Variants in SVIL observed in about 807,000 individuals in gnomAD.
SVIL encodes the protein supervillin.
In SVIL, 101 loss-of-function variants were observed where a neutral mutation model predicts 240.4. That is an observed-to-expected ratio of 0.42 (90% CI 0.36 to 0.50). SVIL has a LOEUF of 0.50. Ranked by LOEUF, SVIL falls within the 20% of genes least tolerant of loss-of-function variation. SVIL has a pLI of 0.01. For missense variants in SVIL, 2,512 were observed against 2,818.7 expected, an observed-to-expected ratio of 0.89 and a Z score of 2.46; for synonymous variants, 999 against 1,100.0, an observed-to-expected ratio of 0.91 and a Z score of 1.82.
chr10:29,651,479 C>T lies in SVIL; in HGVS notation c.-201+6490G>A, dbSNP rs914724181. 3.3e-5 allele frequency among the ~76,000 whole-genome samples: 5 copies of T among 152,248 alleles called. No individual in the cohort carries two copies. In the East Asian group the frequency reaches 5.8e-4, roughly 18 times the overall value. On this transcript the variant is annotated intron_variant, in intron 3 of 35. Transcript: ENST00000375400. ...CTTCTGTCCTCCTATGACTACCTCTCGGTAGGACTTACTTTGTGCCTGAGT... is the reference window on the plus strand; with the variant it reads ...CTTCTGTCCTCCTATGACTACCTCTTGGTAGGACTTACTTTGTGCCTGAGT...
chr10:29,642,459 GA>G (rs1330145167), intron 3 of SVIL, among the ~76,000 whole-genome samples: 1 of 69,018 alleles, frequency 1.4e-5, no homozygotes, highest in African/African-American at 6.2e-5. Context: ...AAGAAAGAAA[GA>G]AAGAAAGACC....
At chr10:29,586,945 A>G (rs577205132) in intron 1 of SVIL, among the ~76,000 whole-genome samples, 3 of 152,282 alleles carry the variant, frequency 2.0e-5, no homozygotes, top group Admixed American at 1.3e-4. Flanking sequence ...AATGGGTACT[A>G]AGCTTAGTAC....
At chr10:29,485,310 A>G (rs936185456) in intron 26 of SVIL, among the ~76,000 whole-genome samples, 7 of 152,062 alleles carry the variant, frequency 4.6e-5, no homozygotes, top group Admixed American at 3.9e-4. Flanking sequence ...ATGGTGATAC[A>G]TACAGGAGGG....
intron 2 of SVIL, among the ~76,000 whole-genome samples, chr10:29,674,034 T>C (rs934963887): frequency 2.6e-5 from 4 of 152,190 alleles, no homozygotes; most frequent in African/African-American, 7.2e-5. Flanking sequence ...CATAAATTTT[T>C]TTTTGAAAAG....
chr10:29,498,277 G>T (rs140436726), intron 18 of SVIL, among the ~76,000 whole-genome samples: 1 of 151,892 alleles, frequency 6.6e-6, no homozygotes, highest in African/African-American at 2.4e-5. Flanking sequence ...AATTAGCCAG[G>T]CATGGTGGTG....
In SVIL at chr10:29,524,131, T is replaced by C. The variant is rs1248805864; in HGVS notation, c.2587-104A>G. ...AGCTGAAATACTCGATTTGATGCAG[T>C]TTCACTGTTTCTCTTAGTGGAAAAC... On this transcript the variant is annotated intron_variant, in intron 14 of 37. Transcript: ENST00000355867. The C allele has an allele frequency of 2.5e-6, 3 of 1,185,278 alleles. No homozygotes were observed. The Admixed American group carries it at 8.5e-5, about 34-fold the overall frequency. The allele number at this position is 1,185,278 out of a possible 1,614,324, so 73.4% of individuals were successfully genotyped here.
intron 6 of SVIL, among the ~76,000 whole-genome samples, chr10:29,540,885 G>GTGGTTT (rs1262470025): frequency 7.9e-5 from 12 of 152,218 alleles, no homozygotes; most frequent in Non-Finnish European, 1.8e-4. Context: ...GTGGAAGGTT[G>GTGGTTT]TGGACTGAGC....
At chr10:29,633,015 C>T (rs992453162) in intron 1 of SVIL, among the ~76,000 whole-genome samples, 4 of 151,986 alleles carry the variant, frequency 2.6e-5, no homozygotes, top group African/African-American at 7.2e-5. Flanking sequence ...GGGCGGATCA[C>T]GAGGTCAGGA....
chr10:29,644,072 T>C, intron 3 of SVIL: 1 of 507,308 alleles, frequency 2.0e-6, no homozygotes, highest in Non-Finnish European at 3.9e-6. Flanking sequence ...ACTAGATATC[T>C]AAAAATATGG....
intron 1 of SVIL, among the ~76,000 whole-genome samples, chr10:29,696,182 A>G (rs1258422708): frequency 3.3e-5 from 5 of 151,682 alleles, no homozygotes; most frequent in African/African-American, 1.2e-4. Context: ...TCCAGCTCCT[A>G]GCCGCGAGTG....
intron 29 of SVIL, among the ~76,000 whole-genome samples, chr10:29,478,267 TATTA>T (rs779232232): frequency 6.6e-6 from 1 of 152,364 alleles, no homozygotes; most frequent in Non-Finnish European, 1.5e-5. Flanking sequence ...GACTCTTTGT[TATTA>T]ATTGTTATTG....
chr10:29,596,893 C>T lies in SVIL; in HGVS notation c.-200-27581G>A, dbSNP rs185698443. On this transcript the variant is annotated intron_variant, in intron 1 of 37. Transcript: ENST00000355867. ...TAATCAAGGCAGCTTCGTGTGATCC[C>T]GCTAGCATGAAGTTAAGTGTATGCT... Among the ~76,000 whole-genome samples, 730 of 152,280 alleles carry T rather than the reference C, an allele frequency of 4.8e-3. 4 individuals are homozygous for T. Among genetic ancestry groups the T allele is most frequent in the South Asian group, 4.3e-3 (21 of 4,832 alleles).
At position 29,480,499 on chromosome 10, in the gene SVIL, C is replaced by G. The variant is rs1308276984; in HGVS notation, c.5377+38G>C. ...GGCTCCCGCAGGGCTGCCGGGCCAG[C>G]CTCTTTCAGCTGGAAAAAACCACAA... On this transcript the variant is annotated intron_variant, in intron 29 of 37. Transcript: ENST00000355867. The G allele has an allele frequency of 5.0e-6, 8 of 1,603,966 alleles. No homozygotes were observed. In the Admixed American group the frequency reaches 6.7e-5, roughly 13 times the overall value.
intron 17 of SVIL, chr10:29,508,329 G>C (rs774259967): frequency 2.3e-6 from 3 of 1,286,798 alleles, no homozygotes; most frequent in Admixed American, 2.3e-5. Context: ...ACCTGTGTTA[G>C]AGTCAGGCTT....
intron 2 of SVIL, among the ~76,000 whole-genome samples, chr10:29,678,835 G>C (rs1295588875): frequency 6.6e-6 from 1 of 152,178 alleles, no homozygotes; most frequent in African/African-American, 2.4e-5. Context: ...TTAGGTTGAG[G>C]GTACCCTGAG....
In SVIL at chr10:29,470,447, G is replaced by A. The variant is rs748028712; in HGVS notation, c.5672C>T (p.Pro1891Leu). The A allele has an allele frequency of 6.2e-7, 1 of 1,614,092 alleles. No homozygotes were observed. The part of the protein sequence containing the change: ...WRLYCVRGEV[P>L]VEGNLLEVAC... ...CACTTCCAGCAAATTCCCTTCCACG[G>A]GCACCTCTCCACGCACGCAGTACAG... The change falls in exon 32 of 38, where the codon CCC becomes CTC. Residue 1891 changes from proline to leucine, a missense_variant. Transcript: ENST00000355867.
At chr10:29,660,413 A>G (rs1435014104) in intron 2 of SVIL, among the ~76,000 whole-genome samples, 2 of 152,136 alleles carry the variant, frequency 1.3e-5, no homozygotes, top group East Asian at 3.9e-4. Context: ...GGAATTTGAG[A>G]CCAGCCTGGG....
intron 1 of SVIL, among the ~76,000 whole-genome samples, chr10:29,707,171 T>C (rs1418630983): frequency 6.6e-6 from 1 of 152,234 alleles, no homozygotes; most frequent in Non-Finnish European, 1.5e-5. Context: ...TCTAATTCTG[T>C]GAAGAATGTC....
chr10:29,527,580 C>T (rs560206183), intron 12 of SVIL, among the ~76,000 whole-genome samples: 1 of 151,970 alleles, frequency 6.6e-6, no homozygotes, highest in African/African-American at 2.4e-5. Flanking sequence ...GCGCGCACCA[C>T]CACGCCCAGT....
Sources: allele counts gnomAD v4.1 joint callset (sites outside exome capture counted in the v4.1 genomes callset), GRCh38; gene constraint gnomAD v4.1.1; transcripts MANE v1.5; gene names NCBI Gene and HGNC (gene_info 2026-07-23, HGNC 2026-07-21).